DNTTIP1: variants seen among roughly 807,000 people sequenced by gnomAD.
The protein encoded by DNTTIP1 is deoxynucleotidyltransferase terminal interacting protein 1, also known as deoxynucleotidyltransferase terminal-interacting protein 1.
In DNTTIP1, 22 loss-of-function variants were observed where a neutral mutation model predicts 52.9. The ratio of observed to expected loss-of-function variants is 0.42; its 90% CI spans 0.30 to 0.59. The LOEUF is 0.59. Ranked by LOEUF, DNTTIP1 falls within the 20% of genes least tolerant of loss-of-function variation. DNTTIP1 has a pLI of 0.22. For synonymous variants in DNTTIP1, 136 were observed against 155.1 expected, an observed-to-expected ratio of 0.88 and a Z score of 0.92; for missense variants, 286 against 435.5, an observed-to-expected ratio of 0.66 and a Z score of 3.06.
intron 4 of DNTTIP1, among the ~76,000 whole-genome samples, chr20:45,796,160 A>G (rs2077004): frequency 0.7 from 105,777 of 151,966 alleles, 37,063 homozygotes; most frequent in Admixed American, 0.76. Flanking sequence ...GTACAGCATG[A>G]TGACTATAGT....
intron 3 of DNTTIP1, among the ~76,000 whole-genome samples, chr20:45,794,448 G>A (rs73306458): frequency 0.057 from 8,733 of 151,962 alleles, 625 homozygotes; most frequent in African/African-American, 0.16. Flanking sequence ...CACCTGGTCA[G>A]TTTTCAAATT....
At chr20:45,806,838 C>T (rs1981667084) in intron 10 of DNTTIP1, among the ~76,000 whole-genome samples, 1 of 152,186 alleles carries the variant, frequency 6.6e-6, no homozygotes. Flanking sequence ...TCTCTCCCAC[C>T]CTTATCTGCC....
chr20:45,795,520 C>T (rs151205960), intron 4 of DNTTIP1, 77 bp downstream of exon 4: 17 of 903,420 alleles, frequency 1.9e-5, no homozygotes, highest in Middle Eastern at 2.7e-4. Flanking sequence ...GATCTTAAGC[C>T]GGACGTGGTG....
intron 1 of DNTTIP1, 109 bp downstream of exon 1, chr20:45,792,218 T>C: frequency 1.5e-6 from 1 of 672,096 alleles, no homozygotes; most frequent in Non-Finnish European, 2.1e-6. Context: ...GCAGAGGGGG[T>C]TGGCGTTTTC....
chr20:45,793,149 T>C (rs1025394027), intron 2 of DNTTIP1, among the ~76,000 whole-genome samples: 1 of 152,256 alleles, frequency 6.6e-6, no homozygotes, highest in Non-Finnish European at 1.5e-5. Context: ...ATAGTATGCA[T>C]GTCAGGGAAG....
At chr20:45,794,071 G>A (rs1981146188) in intron 3 of DNTTIP1, 54 bp downstream of exon 3, 2 of 1,101,132 alleles carry the variant, frequency 1.8e-6, no homozygotes, top group Admixed American at 4.5e-5. Context: ...GAGGAGCCCA[G>A]TCCTTGCCTG....
chr20:45,796,818 C>T (rs943021982), intron 4 of DNTTIP1, among the ~76,000 whole-genome samples: 3 of 152,170 alleles, frequency 2.0e-5, no homozygotes, highest in African/African-American at 7.2e-5. Flanking sequence ...CCTAACTGTC[C>T]TCAACTTACT....
chr20:45,801,366 C>T (rs770443344), intron 5 of DNTTIP1, 36 bp from the exon 6 acceptor site: 15 of 1,612,454 alleles, frequency 9.3e-6, no homozygotes, highest in Admixed American at 5.0e-5. Context: ...CTCCCAGGCA[C>T]TGGCCTTCCA....
chr20:45,798,751 C>T (rs1470961368), intron 4 of DNTTIP1, among the ~76,000 whole-genome samples: 1 of 152,166 alleles, frequency 6.6e-6, no homozygotes. Flanking sequence ...CGCACTCCTA[C>T]CTCTGCTAAA....
chr20:45,806,215 G>T (rs1170066538), intron 10 of DNTTIP1, among the ~76,000 whole-genome samples: 1 of 151,930 alleles, frequency 6.6e-6, no homozygotes, highest in African/African-American at 2.4e-5. Flanking sequence ...AATTAGCTGG[G>T]CATGATGGCG....
At chr20:45,805,257 G>A (rs1455950966) in intron 9 of DNTTIP1, 49 bp from the exon 10 acceptor site, 1 of 1,614,122 alleles carries the variant, frequency 6.2e-7, no homozygotes, top group Non-Finnish European at 8.5e-7. Context: ...GAGTTCACTA[G>A]TAGGACTACA....
intron 1 of DNTTIP1, 45 bp from the exon 2 acceptor site, chr20:45,792,632 C>A (rs1352383671): frequency 2.0e-6 from 3 of 1,481,348 alleles, no homozygotes; most frequent in South Asian, 2.5e-5. Context: ...CACCCCACCC[C>A]AGTGTCACAG....
chr20:45,800,994 C>CAAA, intron 4 of DNTTIP1, 80 bp from the exon 5 acceptor site: 46 of 1,071,594 alleles, frequency 4.3e-5, no homozygotes, highest in African/African-American at 1.0e-4. Context: ...ACTCTGTCTC[C>CAAA]AAAAAAAAAA....
chr20:45,800,693 AAATATATATAT>A (rs1277194275), intron 4 of DNTTIP1, among the ~76,000 whole-genome samples: 1 of 30,528 alleles, frequency 3.3e-5, no homozygotes, highest in Non-Finnish European at 6.1e-5. Flanking sequence ...AAAAAAAAAA[AAATATATATAT>A]ATATATATAT....
intron 3 of DNTTIP1, 47 bp downstream of exon 3, chr20:45,794,064 G>A (rs757308467): frequency 1.5e-6 from 2 of 1,305,670 alleles, no homozygotes; most frequent in Non-Finnish European, 2.2e-6. Context: ...GACTCATGAG[G>A]AGCCCAGTCC....
In DNTTIP1 at chr20:45,791,966, G is replaced by T; in HGVS notation, c.-39G>T. The T allele has an allele frequency of 8.3e-7, 1 of 1,207,076 alleles. No homozygotes were observed. Among genetic ancestry groups the T allele is most frequent in the Non-Finnish European group, 1.0e-6 (1 of 961,546 alleles). The allele number at this position is 1,207,076 out of a possible 1,614,324, so 74.8% of individuals were successfully genotyped here. On this transcript the variant is annotated 5_prime_UTR_variant, in exon 1 of 13. Transcript: ENST00000372622. The stretch of plus-strand genomic sequence containing the variant: ...ACGTCACGGCGCCACTTTCCGGCCG[G>T]TGACAGAGTCCAGCGGAGTTGTGGG...
chr20:45,810,735 C>T (rs984307222), intron 11 of DNTTIP1, 150 bp from the exon 12 acceptor site: 16 of 668,746 alleles, frequency 2.4e-5, no homozygotes, highest in Non-Finnish European at 3.7e-5. Flanking sequence ...TCCCATCCCT[C>T]CCCACTTACT....
intron 11 of DNTTIP1, 83 bp from the exon 12 acceptor site, chr20:45,810,802 A>G: frequency 7.4e-7 from 1 of 1,347,106 alleles, no homozygotes; most frequent in Non-Finnish European, 1.1e-6. Flanking sequence ...CAGGCCTTAC[A>G]TTAAACAGAT....
In DNTTIP1 at chr20:45,808,296, A is replaced by G. The variant is rs61492353; in HGVS notation, c.724-818A>G. Among the ~76,000 whole-genome samples the G allele has an allele frequency of 7.0e-3, 1,064 of 152,232 alleles. 39 individuals carry two copies. The East Asian group carries it at 0.12, about 18-fold the overall frequency. ...GAGGTGGAGGTTGCGGTGAGCCAAG[A>G]TCATGCCACTGCACTCTAGTCTGAA... is the stretch of plus-strand genomic sequence containing the variant. On this transcript the variant is annotated intron_variant, in intron 10 of 12. Coordinates refer to ENST00000372622, the MANE Select transcript of DNTTIP1 (RefSeq NM_052951.3).
Sources: gnomAD v4.1 joint callset for allele counts (sites outside exome capture counted in the v4.1 genomes callset) on GRCh38, gnomAD v4.1.1 for gene constraint, MANE v1.5 for transcripts, NCBI Gene and HGNC (gene_info 2026-07-23, HGNC 2026-07-21) for gene names.